Variants in VWF observed in about 807,000 individuals in gnomAD.
The protein encoded by VWF is Factor VIII related antigen.
In VWF, 176 loss-of-function variants were observed where a neutral mutation model predicts 308.6. The observed-to-expected ratio is 0.57, with a 90% CI of 0.50 to 0.65. The LOEUF is 0.65. Ranked by LOEUF, VWF falls within the 30% of genes least tolerant of loss-of-function variation. VWF has a pLI of 0.00. For missense variants in VWF, 3,146 were observed against 3,648.2 expected (o/e 0.86, Z 3.55); for synonymous variants, 1,385 against 1,443.4 (o/e 0.96, Z 0.92).
At chr12:6,080,403 G>C (rs969034746) in intron 6 of VWF, among the ~76,000 whole-genome samples, 20 of 152,200 alleles carry the variant, frequency 1.3e-4, no homozygotes, top group Non-Finnish European at 2.5e-4. Context: ...TGAAGACTTG[G>C]TTCTCACCTA....
intron 47 of VWF, among the ~76,000 whole-genome samples, chr12:5,960,117 T>C (rs1943296656): frequency 2.0e-5 from 3 of 148,666 alleles, no homozygotes; most frequent in Admixed American, 1.3e-4. Context: ...AATAAGAAAA[T>C]CTCTAGCTAG....
In VWF at chr12:6,083,042, T is replaced by G. The variant is rs1591906908; in HGVS notation, c.658-7491A>C. On this transcript the variant is annotated intron_variant, in intron 6 of 51. Coordinates refer to ENST00000261405, the MANE Select transcript of VWF (RefSeq NM_000552.5). Reference sequence around the variant, plus strand: ...TTTCTTTTTTTAGATGAAGTCTCGCTCTTGTTGCCCAGGCTGGAGTGCAAT... The same window carrying G: ...TTTCTTTTTTTAGATGAAGTCTCGCGCTTGTTGCCCAGGCTGGAGTGCAAT... 2.0e-5 allele frequency among the ~76,000 whole-genome samples: 3 copies of G among 152,142 alleles called. No homozygotes were observed. In the East Asian group the frequency reaches 5.8e-4, roughly 29 times the overall value.
intron 28 of VWF, 67 bp from the exon 29 acceptor site, chr12:6,016,937 C>T: frequency 6.5e-7 from 1 of 1,532,054 alleles, no homozygotes. Flanking sequence ...AGGCCTACAA[C>T]CTGACATCCA....
Position 6,079,569 on chromosome 12 carries a change from C to T in VWF, c.658-4018G>A, listed in dbSNP as rs1315694653. ...CGCTTGCAGTGAGCTGAGATCGCAC[C>T]ACTGCACTCTAGCCTGGGCGACAGA... On this transcript the variant is annotated intron_variant, in intron 6 of 51. Transcript: ENST00000261405. 2.0e-5 allele frequency among the ~76,000 whole-genome samples: 3 copies of T among 151,426 alleles called. No individual in the cohort carries two copies. The East Asian group carries it at 5.8e-4, about 29-fold the overall frequency.
chr12:6,103,425 T>TAC lies in VWF; in HGVS notation c.532+6947_532+6948dup, dbSNP rs568697875. On this transcript the variant is annotated intron_variant, in intron 5 of 51. Transcript: ENST00000261405. ...GTGTGTGTATACACACGTGTGTGTA[T>TAC]ACACACGTGTGTATATACATACACA... 3.9e-3 allele frequency among the ~76,000 whole-genome samples: 459 copies of TAC among 118,176 alleles called. 15 individuals carry two copies. Among genetic ancestry groups the TAC allele is most frequent in the Middle Eastern group, 8.5e-3 (2 of 236 alleles). The allele number at this position is 118,176 out of a possible 152,430, so 77.5% of individuals were successfully genotyped here. A position where few individuals can be genotyped will look rare whatever the true frequency, so the allele number is the denominator to read the frequency against.
intron 44 of VWF, among the ~76,000 whole-genome samples, chr12:5,970,376 C>T (rs1486314518): frequency 6.6e-6 from 1 of 152,106 alleles, no homozygotes; most frequent in Non-Finnish European, 1.5e-5. Context: ...GCTTTGCAAA[C>T]ACTGATGAGG....
chr12:6,056,907 G>A lies in VWF; in HGVS notation c.1895C>T (p.Ala632Val), dbSNP rs915477489. The A allele has an allele frequency of 3.3e-6, 5 of 1,525,860 alleles. No individual in the cohort carries two copies. In the East Asian group the frequency reaches 7.5e-5, roughly 23 times the overall value. 94.5% of individuals were successfully genotyped at this position (1,525,860 alleles called of 1,614,324 possible). ...LCGALASYAA[A>V]CAGRGVRVAW... Reference sequence around the variant, plus strand: ...GACGCGCACGCCTCTCCCCGCGCAGGCCGCGGCATAGCTGGCCAGGGCGCC... The same window carrying A: ...GACGCGCACGCCTCTCCCCGCGCAGACCGCGGCATAGCTGGCCAGGGCGCC... The change falls in exon 15 of 52, where the codon GCC (alanine) becomes GTC (valine). Residue 632 changes from alanine to valine, a missense_variant. Ala to Val is a moderately conservative substitution (Grantham distance 64, BLOSUM62 0). Coordinates refer to ENST00000261405, the MANE Select transcript of VWF (RefSeq NM_000552.5).
chr12:6,099,669 T>C (rs1310761038), intron 5 of VWF, among the ~76,000 whole-genome samples: 2 of 152,050 alleles, frequency 1.3e-5, no homozygotes, highest in African/African-American at 4.8e-5. Context: ...TAAATGGTGC[T>C]GGGAAAACTG....
chr12:5,976,049 A>G, intron 43 of VWF, 62 bp downstream of exon 43: 1 of 1,609,006 alleles, frequency 6.2e-7, no homozygotes. Context: ...CCTTCCTAAG[A>G]TGCCCTCCTC....
Position 6,056,969 on chromosome 12 carries a change from GT to G in VWF, c.1832del (p.Asp611AlafsTer40). ...PLPYLRNCRY[D>X]VCSCSDGREC... Reference sequence around the variant, plus strand: ...CGCGGCCGTCCGAGCAGGAGCACACGTCGTAGCGGCAGTTCCGCAGGTAGGG... The same window carrying G: ...CGCGGCCGTCCGAGCAGGAGCACACGCGTAGCGGCAGTTCCGCAGGTAGGG... On this transcript the variant is annotated frameshift_variant, in exon 15 of 52. Transcript: ENST00000261405. LOFTEE classifies it high-confidence loss of function. The G allele has an allele frequency of 6.5e-7, 1 of 1,541,856 alleles. No individual in the cohort carries two copies. The highest frequency in any genetic ancestry group is 8.7e-7 in the Non-Finnish European group (1 of 1,148,450).
intron 3 of VWF, among the ~76,000 whole-genome samples, chr12:6,119,025 G>A (rs1181103310): frequency 6.6e-6 from 1 of 152,220 alleles, no homozygotes; most frequent in Non-Finnish European, 1.5e-5. Flanking sequence ...CACGGCCAAG[G>A]CCATTCCGCC....
chr12:6,109,057 T>C (rs949851550), intron 5 of VWF, among the ~76,000 whole-genome samples: 2 of 151,756 alleles, frequency 1.3e-5, no homozygotes, highest in Non-Finnish European at 2.9e-5. Flanking sequence ...AAATGGAAGT[T>C]AGAAAATTTA....
chr12:6,075,047 T>C lies in VWF; in HGVS notation c.874+288A>G, dbSNP rs1944826000. Among the ~76,000 whole-genome samples the C allele has an allele frequency of 7.0e-6, 1 of 141,956 alleles. No homozygotes were observed. The highest frequency in any genetic ancestry group is 2.2e-4 in the South Asian group (1 of 4,460). The allele number at this position is 141,956 out of a possible 152,430, so 93.1% of individuals were successfully genotyped here. A position where few individuals can be genotyped will look rare whatever the true frequency, so the allele number is the denominator to read the frequency against. On this transcript the variant is annotated intron_variant, in intron 7 of 51. Transcript: ENST00000261405. The surrounding 1 kb of genome is among the most constrained non-coding windows in gnomAD (Gnocchi z 4.7). ...GATCTTGGTGGGAAGCAGAGAACAC[T>C]GTGTGAGTGCAGGGGTCGGATTTCC...
rs547094593 is a variant in VWF, at chr12:6,035,190, G to A, written c.2547-364C>T. On this transcript the variant is annotated intron_variant, in intron 19 of 51. Coordinates refer to ENST00000261405, the MANE Select transcript of VWF (RefSeq NM_000552.5). ...ACATCTACCTGAGATTGGCCACAGGGTGTCTGTAAAACAGACACACTGATG... is the reference window on the plus strand; with the variant it reads ...ACATCTACCTGAGATTGGCCACAGGATGTCTGTAAAACAGACACACTGATG... 6.6e-5 allele frequency among the ~76,000 whole-genome samples: 10 copies of A among 152,324 alleles called. No individual in the cohort carries two copies. The East Asian group carries it at 1.9e-3, about 29-fold the overall frequency.
chr12:6,015,938 T>C (rs1220695942), intron 31 of VWF, 151 bp downstream of exon 31: 3 of 983,416 alleles, frequency 3.1e-6, no homozygotes, highest in Non-Finnish European at 3.1e-6. Flanking sequence ...GGTTGGATAA[T>C]TTCCTGCTGT....
At chr12:6,110,235 G>GATA in intron 5 of VWF, 139 bp downstream of exon 5, 4 of 927,490 alleles carry the variant, frequency 4.3e-6, no homozygotes, top group Non-Finnish European at 7.1e-6. Context: ...AATGCAAAGA[G>GATA]ATAAGGTTGG....
At chr12:6,084,851 T>C (rs1365735269) in intron 6 of VWF, among the ~76,000 whole-genome samples, 5 of 152,040 alleles carry the variant, frequency 3.3e-5, no homozygotes, top group Non-Finnish European at 7.4e-5. Flanking sequence ...GAATACTTTC[T>C]CATTGGTCAG....
Position 6,044,564 on chromosome 12 carries a change from G to A in VWF, c.2282-113C>T, listed in dbSNP as rs566595462. The A allele has an allele frequency of 3.5e-5, 49 of 1,380,326 alleles. No individual in the cohort carries two copies. The South Asian group carries it at 6.0e-4, about 17-fold the overall frequency. The allele number at this position is 1,380,326 out of a possible 1,614,324, so 85.5% of individuals were successfully genotyped here. On this transcript the variant is annotated intron_variant, in intron 17 of 51. Transcript: ENST00000261405. ...GACTAAATTCAAGAGACTCAGAGTT[G>A]CCCACTCACGGGGACCAGCAGCTGC...
At chr12:5,991,587 A>T (rs1342029636) in intron 38 of VWF, among the ~76,000 whole-genome samples, 1 of 152,226 alleles carries the variant, frequency 6.6e-6, no homozygotes, top group Non-Finnish European at 1.5e-5. Context: ...ATAATGTGGT[A>T]ACAACACTTT....
Sources: allele counts gnomAD v4.1 joint callset (sites outside exome capture counted in the v4.1 genomes callset), GRCh38; gene constraint gnomAD v4.1.1; non-coding constraint Gnocchi (gnomAD v3.1); transcripts MANE v1.5; gene names NCBI Gene and HGNC (gene_info 2026-07-23, HGNC 2026-07-21).